Variants in NCAM1 observed in about 807,000 individuals in gnomAD.
The protein encoded by NCAM1 is neural cell adhesion molecule 1, also known as antigen recognized by monoclonal antibody 5.1H11.
Under a neutral mutation model 109.8 loss-of-function variants are expected in NCAM1, and 14 were observed. That is an observed-to-expected ratio of 0.13 (90% CI 0.08 to 0.20). The LOEUF (loss-of-function observed/expected upper bound fraction) is 0.20. Among genes scored for constraint, NCAM1 ranks in the 10% least tolerant of loss-of-function variants. NCAM1 has a pLI of 1.00. For missense variants in NCAM1, 774 were observed against 1,109.9 expected (o/e 0.70, Z 4.30); for synonymous variants, 418 against 442.9 (o/e 0.94, Z 0.70).
At chr11:113,060,233 T>A (rs1555083260) in intron 1 of NCAM1, among the ~76,000 whole-genome samples, 2 of 152,244 alleles carry the variant, frequency 1.3e-5, no homozygotes, top group South Asian at 2.1e-4. Context: ...TTTTGCGACA[T>A]CATGGTTTAT....
chr11:113,236,779 G>A (rs900450593), intron 14 of NCAM1, among the ~76,000 whole-genome samples: 2 of 152,180 alleles, frequency 1.3e-5, no homozygotes, highest in African/African-American at 2.4e-5. Flanking sequence ...TTGCTTTTAG[G>A]AGATAAAGGA....
intron 1 of NCAM1, among the ~76,000 whole-genome samples, chr11:113,157,414 G>A (rs1591373646): frequency 6.6e-6 from 1 of 152,234 alleles, no homozygotes; most frequent in African/African-American, 2.4e-5. Context: ...GTTCTATTTG[G>A]AGCAATTGTC....
chr11:113,245,629 C>G (rs539999562), intron 14 of NCAM1, among the ~76,000 whole-genome samples: 1 of 152,278 alleles, frequency 6.6e-6, no homozygotes, highest in East Asian at 1.9e-4. Flanking sequence ...CAGGGAGGCT[C>G]ACCGAGGTCT....
chr11:112,984,555 C>G (rs1318542873), intron 1 of NCAM1, among the ~76,000 whole-genome samples: 1 of 151,960 alleles, frequency 6.6e-6, no homozygotes, highest in Non-Finnish European at 1.5e-5. Flanking sequence ...GCTACCCACA[C>G]TTGTTATCTC....
rs891596060 is a variant in NCAM1 at position 113,004,363 on chromosome 11, C to T, written c.52+42699C>T. Among the ~76,000 whole-genome samples, 129 of 152,052 alleles carry T rather than the reference C, an allele frequency of 8.5e-4. 1 individual carries two copies. The highest frequency in any genetic ancestry group is 2.2e-4 in the Non-Finnish European group (15 of 67,976). ...CAAAAATCAGCTGGGCATGGTGGCACGTGCCTGTAATCCCAGCTACTCGGG... is the reference window on the plus strand; with the variant it reads ...CAAAAATCAGCTGGGCATGGTGGCATGTGCCTGTAATCCCAGCTACTCGGG... On this transcript the variant is annotated intron_variant, in intron 1 of 19. Transcript: ENST00000316851.
intron 1 of NCAM1, among the ~76,000 whole-genome samples, chr11:113,150,454 T>C (rs1390294226): frequency 6.6e-6 from 1 of 152,208 alleles, no homozygotes; most frequent in Non-Finnish European, 1.5e-5. Flanking sequence ...TGGGATTTCC[T>C]GTTGAGAGTA....
intron 1 of NCAM1, among the ~76,000 whole-genome samples, chr11:113,000,444 G>A (rs1555072186): frequency 1.3e-5 from 2 of 152,102 alleles, no homozygotes. Flanking sequence ...TAGTAGTAGT[G>A]ATTGTTGGAA....
chr11:113,199,460 G>A (rs1446870825), intron 1 of NCAM1, among the ~76,000 whole-genome samples: 2 of 152,138 alleles, frequency 1.3e-5, no homozygotes, highest in Non-Finnish European at 2.9e-5. Flanking sequence ...AAACATCCAA[G>A]CATTGATTTC....
At chr11:113,234,974 A>G in intron 13 of NCAM1, 59 bp from the exon 14 acceptor site, 1 of 1,497,392 alleles carries the variant, frequency 6.7e-7, no homozygotes, top group Non-Finnish European at 9.0e-7. Flanking sequence ...ACTGTTTTTC[A>G]GAGCGGCTGC....
intron 1 of NCAM1, among the ~76,000 whole-genome samples, chr11:113,023,931 A>T (rs978261313): frequency 1.4e-4 from 22 of 152,352 alleles, no homozygotes; most frequent in East Asian, 1.2e-3. Context: ...AAGGAAAAAA[A>T]AATGGTAAAT....
intron 1 of NCAM1, among the ~76,000 whole-genome samples, chr11:113,132,033 G>C (rs1160669829): frequency 6.6e-6 from 1 of 152,178 alleles, no homozygotes; most frequent in Admixed American, 6.5e-5. Flanking sequence ...TTTCTGTTCA[G>C]ATGAGGAGAG....
intron 14 of NCAM1, chr11:113,245,979 G>GA (rs1945488022): frequency 4.4e-6 from 1 of 225,008 alleles, no homozygotes; most frequent in African/African-American, 2.3e-5. Context: ...TCTGGGTCCT[G>GA]ACAGCAACAC....
At chr11:113,220,279 C>T (rs1555115034) in intron 8 of NCAM1, among the ~76,000 whole-genome samples, 1 of 152,146 alleles carries the variant, frequency 6.6e-6, no homozygotes, top group Non-Finnish European at 1.5e-5. Context: ...GAATGGAATG[C>T]CATGTTTGAT....
chr11:113,138,058 G>A (rs1174704057), intron 1 of NCAM1, among the ~76,000 whole-genome samples: 2 of 152,166 alleles, frequency 1.3e-5, no homozygotes, highest in African/African-American at 4.8e-5. Context: ...ACAGCAGTGC[G>A]GGCCGTGAGT....
Position 113,273,944 on chromosome 11 carries a change from C to T in NCAM1, c.2457-1323C>T, listed in dbSNP as rs202084711. 16 of 168,010 alleles carry T rather than the reference C, an allele frequency of 9.5e-5. No individual in the cohort carries two copies. In the East Asian group the frequency reaches 2.7e-3, roughly 28 times the overall value. The allele number at this position is 168,010 out of a possible 1,614,324, so 10.4% of individuals were successfully genotyped here. The stretch of plus-strand genomic sequence containing the variant: ...GGCCCCAGGAGCAGCCGCCTGCTGG[C>T]TAATTAGGCCATGTTAATTATGTTT... On this transcript the variant is annotated intron_variant, in intron 19 of 19. Transcript: ENST00000316851. This position sits in a 1 kb window ranked among gnomAD's most constrained non-coding sequence, Gnocchi z 6.0.
chr11:112,973,470 G>C (rs1950933662), intron 1 of NCAM1, among the ~76,000 whole-genome samples: 1 of 152,092 alleles, frequency 6.6e-6, no homozygotes, highest in African/African-American at 2.4e-5. Context: ...TCTGAATTTA[G>C]TATCTCCTTT....
intron 16 of NCAM1, 67 bp downstream of exon 16, chr11:113,256,068 C>A: frequency 1.3e-6 from 2 of 1,542,568 alleles, no homozygotes; most frequent in Non-Finnish European, 1.8e-6. Flanking sequence ...GCTAGGGAAA[C>A]AACAGGGGCA....
At chr11:113,125,012 A>G (rs1237084016) in intron 1 of NCAM1, among the ~76,000 whole-genome samples, 6 of 152,264 alleles carry the variant, frequency 3.9e-5, no homozygotes, top group African/African-American at 7.2e-5. Context: ...ATATATGAGC[A>G]TATGTAATGT....
chr11:113,058,824 C>T (rs1448035761), intron 1 of NCAM1, among the ~76,000 whole-genome samples: 1 of 152,196 alleles, frequency 6.6e-6, no homozygotes, highest in Non-Finnish European at 1.5e-5. Context: ...TTCCTGAAGC[C>T]ACTGGGAGCA....
Sources: allele counts gnomAD v4.1 joint callset (sites outside exome capture counted in the v4.1 genomes callset), GRCh38; gene constraint gnomAD v4.1.1; non-coding constraint Gnocchi (gnomAD v3.1); transcripts MANE v1.5; gene names NCBI Gene and HGNC (gene_info 2026-07-23, HGNC 2026-07-21).